The following MARCHF4 variants were observed in gnomAD, a reference collection of about 807,000 sequenced individuals.
MARCHF4 encodes the protein membrane associated ring-CH-type finger 4.
A neutral mutation model predicts 43.9 loss-of-function variants in MARCHF4; 14 were observed. The ratio of observed to expected loss-of-function variants is 0.32; its 90% confidence interval spans 0.21 to 0.50. The LOEUF (loss-of-function observed/expected upper bound fraction) is 0.50, where lower values mean the gene tolerates loss of function less well. MARCHF4 is among the 20% of genes least tolerant of loss of function. The pLI, the probability that MARCHF4 is intolerant of heterozygous loss-of-function variation, is 0.98. For synonymous variants in MARCHF4, 226 were observed against 213.3 expected (o/e 1.06, Z -0.52); for missense variants, 468 against 536.7 (o/e 0.87, Z 1.27).
chr2:216,305,196 A>G (rs1011534696), intron 1 of MARCHF4, among the ~76,000 whole-genome samples: 4 of 152,204 alleles, frequency 2.6e-5, no homozygotes, highest in Non-Finnish European at 5.9e-5. Context: ...CATGGCAAAG[A>G]GGCATTATTA....
intron 1 of MARCHF4, among the ~76,000 whole-genome samples, chr2:216,305,235 T>G (rs950355482): frequency 5.9e-5 from 9 of 152,106 alleles, no homozygotes; most frequent in African/African-American, 2.2e-4. Context: ...GGATATCTGG[T>G]GATGTGTGTC....
chr2:216,344,806 G>A (rs762116259), intron 1 of MARCHF4, among the ~76,000 whole-genome samples: 1 of 151,968 alleles, frequency 6.6e-6, no homozygotes, highest in Non-Finnish European at 1.5e-5. Flanking sequence ...GTGTGGGTGC[G>A]AGCGGAGGTG....
intron 1 of MARCHF4, among the ~76,000 whole-genome samples, chr2:216,327,854 T>C (rs1170574093): frequency 1.3e-5 from 2 of 151,914 alleles, no homozygotes; most frequent in African/African-American, 4.8e-5. Context: ...TGAAACCAGA[T>C]CTACAGGTTT....
chr2:216,301,741 A>G (rs77946790), intron 1 of MARCHF4, among the ~76,000 whole-genome samples: 2,659 of 152,376 alleles, frequency 0.017, 82 homozygotes, highest in African/African-American at 0.06. Flanking sequence ...GCTTTTTAGC[A>G]TAAATGTACA....
intron 2 of MARCHF4, among the ~76,000 whole-genome samples, chr2:216,282,237 G>C (rs1468386438): frequency 6.6e-6 from 1 of 152,074 alleles, no homozygotes; most frequent in Non-Finnish European, 1.5e-5. Context: ...GGGGCTTTTA[G>C]TGCCACCTTC....
chr2:216,354,945 TTC>T lies in MARCHF4; in HGVS notation c.516+14798_516+14799del, dbSNP rs1409562421. On this transcript the variant is annotated intron_variant, in intron 1 of 3. Coordinates refer to ENST00000273067, the MANE Select transcript of MARCHF4 (RefSeq NM_020814.3). The stretch of plus-strand genomic sequence containing the variant: ...TTTCTTTCTTTCTTTCTTTCTTTCT[TTC>T]TTTCTTTCTTTCTTTCTTTCTTTCT... Among the ~76,000 whole-genome samples, 6 of 143,224 alleles carry T rather than the reference TTC, an allele frequency of 4.2e-5. No homozygotes were observed. The South Asian group carries it at 7.0e-4, about 17-fold the overall frequency. 94.0% of individuals were successfully genotyped at this position (143,224 alleles called of 152,430 possible).
intron 1 of MARCHF4, among the ~76,000 whole-genome samples, chr2:216,314,134 C>T (rs1376917974): frequency 6.6e-6 from 1 of 152,106 alleles, no homozygotes; most frequent in African/African-American, 2.4e-5. Flanking sequence ...CTAGTTTACC[C>T]CTATACCAGA....
At chr2:216,274,642 T>C (rs554636329) in intron 3 of MARCHF4, among the ~76,000 whole-genome samples, 2 of 152,314 alleles carry the variant, frequency 1.3e-5, no homozygotes, top group South Asian at 4.1e-4. Flanking sequence ...ATTCCCACCA[T>C]TGCCTTGCAC....
intron 2 of MARCHF4, 112 bp downstream of exon 2, chr2:216,283,462 T>C: frequency 7.4e-7 from 1 of 1,346,848 alleles, no homozygotes; most frequent in Non-Finnish European, 1.0e-6. Flanking sequence ...CAGCCCATCT[T>C]CTTCCTTTTC....
intron 3 of MARCHF4, among the ~76,000 whole-genome samples, chr2:216,277,041 A>G (rs1383241757): frequency 2.6e-5 from 4 of 152,220 alleles, no homozygotes; most frequent in Admixed American, 1.3e-4. Context: ...ATGTAAATAG[A>G]TAAAAGAACA....
At chr2:216,356,262 G>A (rs773051016) in intron 1 of MARCHF4, among the ~76,000 whole-genome samples, 13 of 152,156 alleles carry the variant, frequency 8.5e-5, no homozygotes, top group Non-Finnish European at 1.5e-4. Context: ...AACTTTCCTG[G>A]CCCCTCAACA....
At chr2:216,333,803 C>T (rs1427372771) in intron 1 of MARCHF4, among the ~76,000 whole-genome samples, 1 of 152,132 alleles carries the variant, frequency 6.6e-6, no homozygotes, top group African/African-American at 2.4e-5. Flanking sequence ...GAGACCCGTC[C>T]CTAGGACACA....
chr2:216,360,654 C>T (rs996584802), intron 1 of MARCHF4, among the ~76,000 whole-genome samples: 1 of 152,052 alleles, frequency 6.6e-6, no homozygotes, highest in African/African-American at 2.4e-5. Flanking sequence ...GCAGTAAAAC[C>T]ATTCTGTATG....
chr2:216,274,262 C>T (rs139056703), intron 3 of MARCHF4, among the ~76,000 whole-genome samples: 1 of 152,184 alleles, frequency 6.6e-6, no homozygotes, highest in Non-Finnish European at 1.5e-5. Context: ...GTGAGGACTC[C>T]CTGCAGAGGT....
chr2:216,329,032 C>T (rs1194892126), intron 1 of MARCHF4, among the ~76,000 whole-genome samples: 1 of 152,028 alleles, frequency 6.6e-6, no homozygotes, highest in African/African-American at 2.4e-5. Flanking sequence ...CTCAGAAAAA[C>T]AACAAACAAG....
intron 1 of MARCHF4, among the ~76,000 whole-genome samples, chr2:216,320,619 CTT>C (rs1180735642): frequency 2.9e-5 from 2 of 67,858 alleles, no homozygotes; most frequent in South Asian, 5.5e-4. Flanking sequence ...TTCTTTCTTT[CTT>C]TCTTTCTTTC....
intron 1 of MARCHF4, among the ~76,000 whole-genome samples, chr2:216,287,513 C>T (rs1271414336): frequency 2.6e-5 from 4 of 151,646 alleles, no homozygotes; most frequent in African/African-American, 7.3e-5. Context: ...ATGGGATCTT[C>T]TCTAATCATC....
At chr2:216,283,248 T>C (rs1691160832) in intron 2 of MARCHF4, among the ~76,000 whole-genome samples, 1 of 152,026 alleles carries the variant, frequency 6.6e-6, no homozygotes, top group African/African-American at 2.4e-5. Flanking sequence ...TCCTTCTTTC[T>C]TCCTCTCCTT....
Position 216,354,614 on chromosome 2 carries a change from T to C in MARCHF4, c.516+15131A>G, listed in dbSNP as rs145348326. On this transcript the variant is annotated intron_variant, in intron 1 of 3. Transcript: ENST00000273067. ...TGGTGTTCACTCAACCTGTACTGAG[T>C]GGTCACTGATCTTTTTGCTGCCACT... Among the ~76,000 whole-genome samples, 11 of 152,316 alleles carry C rather than the reference T, an allele frequency of 7.2e-5. No individual in the cohort carries two copies. The East Asian group carries it at 2.1e-3, about 29-fold the overall frequency.
Sources: allele counts gnomAD v4.1 joint callset (sites outside exome capture counted in the v4.1 genomes callset), GRCh38; gene constraint gnomAD v4.1.1; transcripts MANE v1.5; gene names NCBI Gene and HGNC (gene_info 2026-07-23, HGNC 2026-07-21).